UNC5A: variants seen among roughly 807,000 people sequenced by gnomAD.
UNC5A encodes the protein netrin receptor UNC5A.
A neutral mutation model predicts 87.4 loss-of-function variants in UNC5A; 20 were observed. That is an observed-to-expected ratio of 0.23 (90% confidence interval 0.16 to 0.33). The LOEUF (loss-of-function observed/expected upper bound fraction) is 0.33, where lower values mean the gene tolerates loss of function less well. Among genes scored for constraint, UNC5A ranks in the 10% least tolerant of loss-of-function variants. The pLI, the probability that UNC5A is intolerant of heterozygous loss-of-function variation, is 1.00. For missense variants in UNC5A, 844 were observed against 1,133.4 expected (o/e 0.74, Z 3.67); for synonymous variants, 438 against 482.3 (o/e 0.91, Z 1.20).
chr5:176,876,254 G>A (rs933412196), intron 8 of UNC5A, among the ~76,000 whole-genome samples: 1 of 152,252 alleles, frequency 6.6e-6, no homozygotes, highest in Non-Finnish European at 1.5e-5. Flanking sequence ...GGACCGCGGG[G>A]CAGTGCAGGC....
chr5:176,879,722 C>T lies in UNC5A; in HGVS notation c.2365C>T (p.His789Tyr), dbSNP rs1188361073. 3 of 1,612,310 alleles carry T rather than the reference C, an allele frequency of 1.9e-6. No individual in the cohort carries two copies. The highest frequency in any genetic ancestry group is 1.3e-5 in the African/African-American group (1 of 74,884). Residue 789 changes from histidine to tyrosine, a missense_variant and splice_region_variant, in exon 15 of 15, where the codon CAT becomes TAT. Around this residue, in one of 3 missense-constraint regions of UNC5A, gnomAD observed 177 missense variants for 279.4 expected, o/e 0.63. Coordinates refer to ENST00000329542, the MANE Select transcript of UNC5A (RefSeq NM_133369.3). ...TGACGGCCCCCCTCCCCTCCACAGCCATCTCAGCTTCTTTGCCTCCAAGCC... is the reference window on the plus strand; with the variant it reads ...TGACGGCCCCCCTCCCCTCCACAGCTATCTCAGCTTCTTTGCCTCCAAGCC... ...TLAQKLHLDS[H>Y]LSFFASKPSP...
chr5:176,818,872 G>A, intron 1 of UNC5A, among the ~76,000 whole-genome samples: 1 of 152,144 alleles, frequency 6.6e-6, no homozygotes, highest in East Asian at 1.9e-4. Context: ...GGCTGTCCAG[G>A]CCACCAGACG....
intron 1 of UNC5A, among the ~76,000 whole-genome samples, chr5:176,815,714 A>C (rs1215528676): frequency 6.6e-6 from 1 of 152,214 alleles, no homozygotes; most frequent in South Asian, 2.1e-4. Flanking sequence ...GCCCGAGCCC[A>C]GACACAGGAG....
At position 176,848,819 on chromosome 5, in the gene UNC5A, G is replaced by A. The variant is rs35132096; in HGVS notation, c.71-13805G>A. Among the ~76,000 whole-genome samples the A allele has an allele frequency of 1.7e-3, 256 of 152,290 alleles. No individual in the cohort carries two copies. The highest frequency in any genetic ancestry group is 3.6e-3 in the Admixed American group (55 of 15,296). Reference sequence around the variant, plus strand: ...GGCAGCCGCGGCCTGGGCCCTGCGCGTCTCGGGATTGCAGCTTCTCCCCTC... The same window carrying A: ...GGCAGCCGCGGCCTGGGCCCTGCGCATCTCGGGATTGCAGCTTCTCCCCTC... On this transcript the variant is annotated intron_variant, in intron 1 of 14. Coordinates refer to ENST00000329542, the MANE Select transcript of UNC5A (RefSeq NM_133369.3). The surrounding 1 kb of genome is among the most constrained non-coding windows in gnomAD (Gnocchi z 5.8).
intron 1 of UNC5A, among the ~76,000 whole-genome samples, chr5:176,862,207 C>T (rs925309612): frequency 6.6e-6 from 1 of 152,204 alleles, no homozygotes; most frequent in Non-Finnish European, 1.5e-5. Flanking sequence ...CGGCCACTGG[C>T]CAGGGCTGCT....
chr5:176,812,641 G>A (rs574373882), intron 1 of UNC5A, among the ~76,000 whole-genome samples: 3 of 152,296 alleles, frequency 2.0e-5, no homozygotes, highest in South Asian at 2.1e-4. Context: ...GTGGGGGTGG[G>A]GAAACTGCAT....
At position 176,877,525 on chromosome 5, in the gene UNC5A, C is replaced by T. The variant is rs1231047641; in HGVS notation, c.1467-10C>T. On this transcript the variant is annotated splice_polypyrimidine_tract_variant and intron_variant, in intron 9 of 14. Transcript: ENST00000329542. ...ACCTTTCCCTCCCCACCCATATTTC[C>T]CCACTTGAGGTTGCCCCTAGCTGGC... 3 of 1,576,522 alleles carry T rather than the reference C, an allele frequency of 1.9e-6. No homozygotes were observed. Among genetic ancestry groups the T allele is most frequent in the South Asian group, 2.3e-5 (2 of 87,132 alleles).
chr5:176,878,580 T>C lies in UNC5A; in HGVS notation c.2125T>C (p.Trp709Arg). 22 of 1,613,038 alleles carry C rather than the reference T, an allele frequency of 1.4e-5. No individual in the cohort carries two copies. Among genetic ancestry groups the C allele is most frequent in the Non-Finnish European group, 1.9e-5 (22 of 1,179,948 alleles). The change falls in exon 13 of 15, where the codon TGG becomes CGG. Residue 709 changes from tryptophan (W) to arginine (R), a missense_variant. This residue lies in a region of UNC5A where 177 missense variants were observed against 279.4 expected (regional missense o/e 0.63). Transcript: ENST00000329542. ...CACTAGTGACCTGGCCTGCAAGCTG[T>C]GGGTGTGGCAGGTGGAGGGCGACGG... ...PSTSDLACKL[W>R]VWQVEGDGQS...
At chr5:176,828,789 T>C (rs1180961486) in intron 1 of UNC5A, among the ~76,000 whole-genome samples, 1 of 150,844 alleles carries the variant, frequency 6.6e-6, no homozygotes, top group Non-Finnish European at 1.5e-5. Context: ...GGATGGGTGA[T>C]TGGATGGCTG....
intron 6 of UNC5A, among the ~76,000 whole-genome samples, chr5:176,872,626 C>G: frequency 7.0e-6 from 1 of 143,248 alleles, no homozygotes; most frequent in Non-Finnish European, 1.5e-5. Context: ...CTCACCAACA[C>G]CACAGCTTCC....
intron 8 of UNC5A, 78 bp from the exon 9 acceptor site, chr5:176,877,114 G>T (rs1024916153): frequency 3.3e-6 from 4 of 1,204,638 alleles, no homozygotes; most frequent in African/African-American, 1.5e-5. Context: ...TCACAGGAAG[G>T]CTCCTGGAGG....
At chr5:176,834,528 G>A (rs1426154582) in intron 1 of UNC5A, among the ~76,000 whole-genome samples, 1 of 152,196 alleles carries the variant, frequency 6.6e-6, no homozygotes, top group Non-Finnish European at 1.5e-5. Context: ...AGAATAAGAG[G>A]GATCTGGTTT....
rs192739437 is a variant in UNC5A at position 176,864,011 on chromosome 5, T to G, written c.292+1166T>G. Among the ~76,000 whole-genome samples, 120 of 151,176 alleles carry G rather than the reference T, an allele frequency of 7.9e-4. 3 individuals are homozygous for G. In the East Asian group the frequency reaches 0.017, roughly 21 times the overall value. The stretch of plus-strand genomic sequence containing the variant: ...CAGCCATCCTGAGACACAGCACACA[T>G]ACCCTGTCGAGGCACAGCCCGTGCG... On this transcript the variant is annotated intron_variant, in intron 2 of 14. Transcript: ENST00000329542.
intron 1 of UNC5A, among the ~76,000 whole-genome samples, chr5:176,828,125 C>G (rs1756900163): frequency 6.6e-6 from 1 of 152,098 alleles, no homozygotes; most frequent in South Asian, 2.1e-4. Context: ...CTCTGCCCCT[C>G]TGTGCTGCCG....
chr5:176,858,440 G>C (rs2113645402), intron 1 of UNC5A, among the ~76,000 whole-genome samples: 1 of 152,286 alleles, frequency 6.6e-6, no homozygotes, highest in South Asian at 2.1e-4. Context: ...TGTCTCTTCA[G>C]AAAAGGGCTG....
At chr5:176,876,705 C>G (rs1170247190) in intron 8 of UNC5A, among the ~76,000 whole-genome samples, 1 of 152,190 alleles carries the variant, frequency 6.6e-6, no homozygotes. Flanking sequence ...GAGAGGGGAG[C>G]TGGAGCAGGA....
chr5:176,867,499 G>A (rs770884087), intron 2 of UNC5A, among the ~76,000 whole-genome samples: 43 of 152,156 alleles, frequency 2.8e-4, no homozygotes, highest in Admixed American at 2.0e-4. Flanking sequence ...AGACAGTCCC[G>A]GGTCCCCATG....
Position 176,874,335 on chromosome 5 carries a change from C to T in UNC5A, c.1147C>T (p.Pro383Ser), listed in dbSNP as rs1051266025. 6.2e-7 allele frequency: 1 copy of T among 1,613,154 alleles called. No homozygotes were observed. Among genetic ancestry groups the T allele is most frequent in the Non-Finnish European group, 8.5e-7 (1 of 1,179,596 alleles). ...TTTTYQGSLC[P>S]RQDGPSPKFQ... is the part of the protein sequence containing the mutation. ...CACCACCTACCAGGGCAGTCTCTGT[C>T]CCCGGCAGGATGGGCCCAGCCCCAA... The change falls in exon 8 of 15, where the codon CCC (proline) becomes TCC (serine). Residue 383 changes from proline to serine, a missense_variant. Pro to Ser is a moderately conservative substitution (Grantham distance 74). Around this residue, in one of 3 missense-constraint regions of UNC5A, gnomAD observed 353 missense variants for 387.5 expected, o/e 0.91. Coordinates refer to ENST00000329542, the MANE Select transcript of UNC5A (RefSeq NM_133369.3). This position sits in a 1 kb window ranked among gnomAD's most constrained non-coding sequence, Gnocchi z 7.6.
rs70991576 is a variant in UNC5A, at chr5:176,829,881, C to CTTTTTTTTTTTTTTTTTTT, written c.70+19072_70+19073insTTTTTTTTTTTTTTTTTTT. On this transcript the variant is annotated intron_variant, in intron 1 of 14. Coordinates refer to ENST00000329542, the MANE Select transcript of UNC5A (RefSeq NM_133369.3). ...CCCTCTCACTTCCACATCACTGCTC[C>CTTTTTTTTTTTTTTTTTTT]TTTTTTTTTTTGAGATGGAATCTTG... 1.1e-3 allele frequency among the ~76,000 whole-genome samples: 100 copies of CTTTTTTTTTTTTTTTTTTT among 87,354 alleles called. 10 individuals carry two copies. Among genetic ancestry groups the CTTTTTTTTTTTTTTTTTTT allele is most frequent in the Middle Eastern group, 7.8e-3 (1 of 128 alleles). The allele number at this position is 87,354 out of a possible 152,430, so 57.3% of individuals were successfully genotyped here.
Sources: allele counts gnomAD v4.1 joint callset (sites outside exome capture counted in the v4.1 genomes callset), GRCh38; gene constraint gnomAD v4.1.1; regional missense constraint gnomAD v4.1.1; non-coding constraint Gnocchi (gnomAD v3.1); transcripts MANE v1.5; gene names NCBI Gene and HGNC (gene_info 2026-07-23, HGNC 2026-07-21).